Variants in NHS observed in about 807,000 individuals in gnomAD.
The protein encoded by NHS is NHS actin remodeling regulator.
Under a neutral mutation model 72.5 loss-of-function variants are expected in NHS, and 5 were observed. That is an observed-to-expected ratio of 0.07 (90% confidence interval 0.04 to 0.14). The LOEUF (loss-of-function observed/expected upper bound fraction) is 0.14, where lower values mean the gene tolerates loss of function less well. Ranked by LOEUF, NHS falls within the 10% of genes least tolerant of loss-of-function variation. The pLI is 1.00. For synonymous variants in NHS, 464 were observed against 547.7 expected (o/e 0.85, Z 2.13); for missense variants, 1,072 against 1,355.7 (o/e 0.79, Z 3.29).
chrX:17,569,630 CTGA>C (rs1279595343), intron 1 of NHS, among the ~76,000 whole-genome samples: 1 of 112,055 alleles, frequency 8.9e-6, no homozygotes, highest in African/African-American at 3.3e-5. Context: ...CCTGTTCACT[CTGA>C]TGATAGTTTC....
intron 2 of NHS, among the ~76,000 whole-genome samples, chrX:17,691,081 T>G (rs1025861019): frequency 9.0e-6 from 1 of 111,258 alleles, no homozygotes; most frequent in Non-Finnish European, 1.9e-5. Context: ...AGGGAGCCAT[T>G]AATCTAGCCT....
At chrX:17,623,556 A>C (rs1040450916) in intron 1 of NHS, among the ~76,000 whole-genome samples, 1 of 111,231 alleles carries the variant, frequency 9.0e-6, no homozygotes, top group African/African-American at 3.3e-5. Context: ...GGTTGGAGTG[A>C]AGTGCTCGGT....
chrX:17,464,060 A>G (rs2064860534), intron 1 of NHS, among the ~76,000 whole-genome samples: 1 of 111,820 alleles, frequency 8.9e-6, no homozygotes, highest in South Asian at 3.7e-4. Context: ...TTAGAGTTGT[A>G]TTTTTAGGTT....
In NHS at chrX:17,728,027, C is replaced by G; in HGVS notation, c.3921C>G (p.Pro1307=). Residue 1307 remains proline (P), a synonymous_variant, in exon 7 of 9, where the codon CCC becomes CCG. Coordinates refer to ENST00000676302, the MANE Select transcript of NHS (RefSeq NM_001291867.2). ...DETLEQVQKA[P]SAGLEEVAQP... ...CTCTAGAACAGGTACAGAAGGCACC[C>G]TCTGCAGGTCTGGAGGAAGTTGCAC... 1 of 1,211,594 alleles carries G rather than the reference C, an allele frequency of 8.3e-7. No homozygotes were observed. The highest frequency in any genetic ancestry group is 3.0e-5 in the East Asian group (1 of 33,836).
intron 1 of NHS, among the ~76,000 whole-genome samples, chrX:17,599,504 G>T (rs777244982): frequency 3.0e-4 from 33 of 110,497 alleles, no homozygotes; most frequent in Admixed American, 9.7e-4. Context: ...AAATTGAGAT[G>T]ATAGTAAAGA....
intron 1 of NHS, among the ~76,000 whole-genome samples, chrX:17,416,115 A>C (rs2064592899): frequency 9.0e-6 from 1 of 111,450 alleles, no homozygotes; most frequent in Non-Finnish European, 1.9e-5. Context: ...ATGGGTGGAC[A>C]TACACTGATA....
At chrX:17,671,846 A>G (rs1049559978) in intron 1 of NHS, among the ~76,000 whole-genome samples, 2 of 111,934 alleles carry the variant, frequency 1.8e-5, no homozygotes, top group Admixed American at 9.4e-5. Context: ...CCCTTACCTA[A>G]AAGTTCCAAT....
At chrX:17,402,157 G>A (rs1482632194) in intron 1 of NHS, among the ~76,000 whole-genome samples, 1 of 111,536 alleles carries the variant, frequency 9.0e-6, no homozygotes, top group Non-Finnish European at 1.9e-5. Flanking sequence ...TACCCATTGG[G>A]AAGGATAAAA....
intron 1 of NHS, among the ~76,000 whole-genome samples, chrX:17,669,874 G>T (rs1472238799): frequency 1.8e-5 from 2 of 112,260 alleles, no homozygotes. Context: ...TACTGTAAAG[G>T]CCTGTTAGTC....
chrX:17,492,968 C>A (rs1379448958), intron 1 of NHS, among the ~76,000 whole-genome samples: 1 of 112,359 alleles, frequency 8.9e-6, no homozygotes, highest in Non-Finnish European at 1.9e-5. Flanking sequence ...GATCAAGCTA[C>A]ATGGTGACTT....
intron 1 of NHS, among the ~76,000 whole-genome samples, chrX:17,584,034 T>A (rs1364558104): frequency 9.0e-6 from 1 of 111,654 alleles, no homozygotes; most frequent in Non-Finnish European, 1.9e-5. Context: ...GAAGCCCTGA[T>A]CGAAGTGGAT....
At chrX:17,472,981 G>A (rs1000255258) in intron 1 of NHS, among the ~76,000 whole-genome samples, 1 of 112,437 alleles carries the variant, frequency 8.9e-6, no homozygotes, top group African/African-American at 3.2e-5. Context: ...ACAAATTTGG[G>A]TAAGGAAGAT....
chrX:17,725,236 A>G (rs2066433400), intron 6 of NHS, 111 bp from the exon 7 acceptor site: 2 of 708,371 alleles, frequency 2.8e-6, no homozygotes, highest in East Asian at 3.3e-5. Flanking sequence ...CTGTTAAAGA[A>G]AAAAAAAAAC....
At chrX:17,408,829 A>C (rs774818233) in intron 1 of NHS, among the ~76,000 whole-genome samples, 1 of 112,079 alleles carries the variant, frequency 8.9e-6, no homozygotes, top group Non-Finnish European at 1.9e-5. Flanking sequence ...GAGGCTGAGA[A>C]GTCCAAGATC....
chrX:17,685,696 C>A (rs2066158371), intron 1 of NHS, among the ~76,000 whole-genome samples: 2 of 111,850 alleles, frequency 1.8e-5, no homozygotes, highest in Admixed American at 9.4e-5. Flanking sequence ...CCAATTGATT[C>A]TGAAATTTGG....
intron 1 of NHS, among the ~76,000 whole-genome samples, chrX:17,475,658 T>G (rs943495218): frequency 3.6e-5 from 4 of 112,310 alleles, no homozygotes; most frequent in African/African-American, 1.3e-4. Context: ...CATTTTCCCA[T>G]AAGCCTTTCC....
intron 1 of NHS, among the ~76,000 whole-genome samples, chrX:17,680,520 G>C (rs1274285473): frequency 8.8e-6 from 1 of 113,210 alleles, no homozygotes; most frequent in Non-Finnish European, 1.9e-5. Flanking sequence ...GTGTGCACAT[G>C]CACATGTGTG....
intron 1 of NHS, among the ~76,000 whole-genome samples, chrX:17,581,070 T>A (rs1030634802): frequency 9.0e-6 from 1 of 111,480 alleles, no homozygotes; most frequent in Non-Finnish European, 1.9e-5. Context: ...AAATCTGAGT[T>A]TCACCTTCTC....
At chrX:17,728,988 C>A (rs183101083) in intron 8 of NHS, among the ~76,000 whole-genome samples, 21 of 112,329 alleles carry the variant, frequency 1.9e-4, no homozygotes, top group African/African-American at 6.8e-4. Context: ...GTTTGATAGA[C>A]CTCGATTGAG....
Sources: gnomAD v4.1 joint callset for allele counts (sites outside exome capture counted in the v4.1 genomes callset) on GRCh38, gnomAD v4.1.1 for gene constraint, MANE v1.5 for transcripts, NCBI Gene and HGNC (gene_info 2026-07-23, HGNC 2026-07-21) for gene names.